PNLIP: variants seen among roughly 807,000 people sequenced by gnomAD.
PNLIP encodes the protein pancreatic triacylglycerol lipase.
Under a neutral mutation model 57.1 loss-of-function variants are expected in PNLIP, and 49 were observed. That is an observed-to-expected ratio of 0.86 (90% CI 0.68 to 1.09). PNLIP has a LOEUF of 1.09. PNLIP is among the 50% of genes least tolerant of loss of function. The probability of loss-of-function intolerance (pLI) is 0.00; values close to 1 mark genes in which losing one functional copy is unlikely to be tolerated. For synonymous variants in PNLIP, 209 were observed against 200.4 expected (o/e 1.04, Z -0.36); for missense variants, 503 against 570.2 (o/e 0.88, Z 1.20).
rs1250314817 is a variant in PNLIP at position 116,567,769 on chromosome 10, G to A, written c.1369G>A (p.Glu457Lys). ...NFCSPETVRE[E>K]VLLTLTPC Reference sequence around the variant, plus strand: ...CTGTAGTCCAGAAACCGTCAGGGAGGAAGTTCTGCTCACCCTCACACCGTG... The same window carrying A: ...CTGTAGTCCAGAAACCGTCAGGGAGAAAGTTCTGCTCACCCTCACACCGTG... The change falls in exon 13 of 13, where the codon GAA becomes AAA. Residue 457 changes from glutamate (E) to lysine (K), a missense_variant. By Grantham distance (56) the Glu-to-Lys change is moderately conservative (BLOSUM62 1). Transcript: ENST00000369221. 1.2e-6 allele frequency: 2 copies of A among 1,613,902 alleles called. No individual in the cohort carries two copies. The highest frequency in any genetic ancestry group is 1.7e-5 in the Admixed American group (1 of 60,008).
chr10:116,552,014 C>T (rs1409553835), intron 5 of PNLIP, among the ~76,000 whole-genome samples: 2 of 152,104 alleles, frequency 1.3e-5, no homozygotes, highest in Non-Finnish European at 2.9e-5. Context: ...CTAAAAAATT[C>T]CTATTGCCTT....
chr10:116,560,638 T>A (rs1847305797), intron 11 of PNLIP, 114 bp downstream of exon 11: 1 of 546,962 alleles, frequency 1.8e-6, no homozygotes, highest in Non-Finnish European at 3.2e-6. Flanking sequence ...AGTGTAGTGG[T>A]GCAATCTTGG....
intron 3 of PNLIP, among the ~76,000 whole-genome samples, 172 bp downstream of exon 3, chr10:116,547,620 G>A (rs1197660324): frequency 6.6e-6 from 1 of 151,444 alleles, no homozygotes; most frequent in East Asian, 1.9e-4. Context: ...CAGCTACTCG[G>A]GAAACTGAAG....
chr10:116,548,521 A>G (rs1209844385), intron 4 of PNLIP, 39 bp downstream of exon 4: 1 of 1,604,596 alleles, frequency 6.2e-7, no homozygotes, highest in Admixed American at 1.7e-5. Flanking sequence ...ATCGTTTCCA[A>G]AGTGGTAATT....
intron 9 of PNLIP, among the ~76,000 whole-genome samples, chr10:116,558,822 A>G (rs983555988): frequency 2.0e-5 from 3 of 151,844 alleles, no homozygotes; most frequent in Non-Finnish European, 2.9e-5. Flanking sequence ...ACGGGGTTTC[A>G]CCATGTTGGT....
chr10:116,563,390 TTA>T lies in PNLIP; in HGVS notation c.1334+1755_1334+1756del, dbSNP rs143461856. 3.1e-3 allele frequency among the ~76,000 whole-genome samples: 475 copies of T among 152,336 alleles called. 3 individuals carry two copies. The highest frequency in any genetic ancestry group is 0.011 in the African/African-American group (451 of 41,584). Reference sequence around the variant, plus strand: ...AGCATTTTGGATTTTTTATTTATTTTTAATATATTTTATTTTTCCATAAGTTA... The same window carrying T: ...AGCATTTTGGATTTTTTATTTATTTTATATATTTTATTTTTCCATAAGTTA... On this transcript the variant is annotated intron_variant, in intron 12 of 12. Coordinates refer to ENST00000369221, the MANE Select transcript of PNLIP (RefSeq NM_000936.4).
intron 4 of PNLIP, 58 bp downstream of exon 4, chr10:116,548,540 G>A: frequency 6.3e-7 from 1 of 1,575,444 alleles, no homozygotes; most frequent in South Asian, 1.2e-5. Flanking sequence ...TTAACAAACG[G>A]TAAGGCACTG....
At position 116,547,746 on chromosome 10, in the gene PNLIP, A is replaced by G. The variant is rs915941136; in HGVS notation, c.201+298A>G. 2.4e-4 allele frequency among the ~76,000 whole-genome samples: 36 copies of G among 151,048 alleles called. No homozygotes were observed. The East Asian group carries it at 3.9e-3, about 16-fold the overall frequency. On this transcript the variant is annotated intron_variant, in intron 3 of 12. Coordinates refer to ENST00000369221, the MANE Select transcript of PNLIP (RefSeq NM_000936.4). ...ATCTCAAAAAAAAAAAAAAAAAAAAAAAGAAGAAGAACCAAGTTCCACCTG... is the reference window on the plus strand; with the variant it reads ...ATCTCAAAAAAAAAAAAAAAAAAAAGAAGAAGAAGAACCAAGTTCCACCTG...
chr10:116,551,290 C>CAAAA, intron 5 of PNLIP, 58 bp downstream of exon 5: 1 of 543,518 alleles, frequency 1.8e-6, no homozygotes. Context: ...ATTATCTTTC[C>CAAAA]AAAAAAAAAA....
intron 12 of PNLIP, among the ~76,000 whole-genome samples, chr10:116,567,121 C>CTCTTTCTTTCTT (rs10563857): frequency 8.9e-5 from 13 of 146,364 alleles, no homozygotes; most frequent in African/African-American, 2.0e-4. Flanking sequence ...TCCTTTCTTT[C>CTCTTTCTTTCTT]TCTTTCTTTC....
intron 9 of PNLIP, among the ~76,000 whole-genome samples, chr10:116,557,308 C>A (rs939419298): frequency 6.6e-6 from 1 of 152,154 alleles, no homozygotes; most frequent in African/African-American, 2.4e-5. Context: ...TGATACTCAT[C>A]ACTTGTATAA....
chr10:116,559,116 TAGGG>T lies in PNLIP; in HGVS notation c.931-37_931-34del, dbSNP rs759259774. ...GGAAATATGGTACACAACTAAAAGA[TAGGG>T]CATCCTCATTCATCATTTGTTTGTT... is the stretch of plus-strand genomic sequence containing the variant. On this transcript the variant is annotated intron_variant, in intron 9 of 12. Coordinates refer to ENST00000369221, the MANE Select transcript of PNLIP (RefSeq NM_000936.4). 3 of 1,595,788 alleles carry T rather than the reference TAGGG, an allele frequency of 1.9e-6. No individual in the cohort carries two copies. The African/African-American group carries it at 4.1e-5, about 22-fold the overall frequency.
chr10:116,556,808 A>C (rs768987259), intron 9 of PNLIP, among the ~76,000 whole-genome samples: 2 of 152,150 alleles, frequency 1.3e-5, no homozygotes, highest in African/African-American at 2.4e-5. Context: ...GGATTTAATA[A>C]GAAAATTTCC....
chr10:116,565,464 T>G (rs1847356900), intron 12 of PNLIP, among the ~76,000 whole-genome samples: 1 of 148,140 alleles, frequency 6.8e-6, no homozygotes, highest in African/African-American at 2.5e-5. Context: ...AAATGCACTT[T>G]TTTTTTTTTT....
intron 4 of PNLIP, 80 bp downstream of exon 4, chr10:116,548,562 T>A: frequency 6.9e-7 from 1 of 1,456,558 alleles, no homozygotes; most frequent in East Asian, 2.3e-5. Flanking sequence ...CCCCGACCAA[T>A]GAGGACAGTG....
intron 6 of PNLIP, among the ~76,000 whole-genome samples, chr10:116,554,754 C>G (rs1445945006): frequency 1.3e-5 from 2 of 152,176 alleles, no homozygotes; most frequent in African/African-American, 4.8e-5. Flanking sequence ...ATTTTCTTTT[C>G]CACAGTCTGT....
intron 4 of PNLIP, 28 bp from the exon 5 acceptor site, chr10:116,551,070 T>C (rs1370640570): frequency 6.5e-7 from 1 of 1,527,608 alleles, no homozygotes; most frequent in East Asian, 2.4e-5. Flanking sequence ...CTGAATTATT[T>C]ATCTGTTTAT....
chr10:116,555,407 C>T lies in PNLIP; in HGVS notation c.711C>T (p.Val237=), dbSNP rs112464025. ...TTTCAGGGTTTGGAATGAGCCAAGT[C>T]GTGGGCCACCTAGATTTCTTTCCAA... is the stretch of plus-strand genomic sequence containing the variant. ...VPNLGFGMSQ[V]VGHLDFFPNG... The change falls in exon 8 of 13, where the codon GTC becomes GTT. Residue 237 remains valine, a synonymous_variant. Coordinates refer to ENST00000369221, the MANE Select transcript of PNLIP (RefSeq NM_000936.4). The T allele has an allele frequency of 7.2e-4, 1,157 of 1,614,122 alleles. 6 individuals carry two copies. In the African/African-American group the frequency reaches 0.013, roughly 18 times the overall value.
chr10:116,560,942 A>C (rs1443063807), intron 11 of PNLIP, among the ~76,000 whole-genome samples: 1 of 152,146 alleles, frequency 6.6e-6, no homozygotes, highest in Non-Finnish European at 1.5e-5. Flanking sequence ...GAGTTTGTCT[A>C]TTCATTACTA....
Sources: gnomAD v4.1 joint callset for allele counts (sites outside exome capture counted in the v4.1 genomes callset) on GRCh38, gnomAD v4.1.1 for gene constraint, MANE v1.5 for transcripts, NCBI Gene and HGNC (gene_info 2026-07-23, HGNC 2026-07-21) for gene names.